The following CFAP45 variants were observed in gnomAD, a reference collection of about 807,000 sequenced individuals.
CFAP45 encodes cilia- and flagella-associated protein 45.
In CFAP45, 43 loss-of-function variants were observed where a neutral mutation model predicts 75.6. The observed-to-expected ratio is 0.57, with a 90% CI of 0.45 to 0.73. The LOEUF is 0.73. Among genes scored for constraint, CFAP45 ranks in the 30% least tolerant of loss-of-function variants. The pLI is 0.00. For synonymous variants in CFAP45, 223 were observed against 244.6 expected (o/e 0.91, Z 0.82); for missense variants, 689 against 701.5 (o/e 0.98, Z 0.20).
At chr1:159,883,288 CTGAA>C (rs145427366) in intron 7 of CFAP45, among the ~76,000 whole-genome samples, 80 of 151,174 alleles carry the variant, frequency 5.3e-4, no homozygotes, top group African/African-American at 1.2e-3. Context: ...GAATGAAGAA[CTGAA>C]TGAATGAATG....
intron 7 of CFAP45, among the ~76,000 whole-genome samples, chr1:159,883,626 ATAT>A (rs1557913189): frequency 3.5e-3 from 459 of 130,898 alleles, no homozygotes; most frequent in African/African-American, 0.011. Flanking sequence ...ACAATAAAAT[ATAT>A]ATATATATAT....
chr1:159,878,267 G>C (rs2101842163), intron 8 of CFAP45, among the ~76,000 whole-genome samples: 1 of 152,330 alleles, frequency 6.6e-6, no homozygotes, highest in South Asian at 2.1e-4. Flanking sequence ...CCTGGGCAAA[G>C]AGCCAACCAT....
intron 1 of CFAP45, chr1:159,898,332 A>G (rs1011216132): frequency 6.9e-5 from 37 of 539,032 alleles, no homozygotes; most frequent in Non-Finnish European, 8.5e-5. Flanking sequence ...CTCCTTCTGC[A>G]GGATTTTAAT....
At chr1:159,880,183 T>C (rs1365659035) in intron 8 of CFAP45, among the ~76,000 whole-genome samples, 3 of 152,186 alleles carry the variant, frequency 2.0e-5, no homozygotes, top group East Asian at 3.8e-4. Flanking sequence ...ACAAGAAATT[T>C]ATGTAACCGC....
Position 159,880,591 on chromosome 1 carries a change from G to A in CFAP45, c.1007C>T (p.Ala336Val). 1 of 1,613,616 alleles carries A rather than the reference G, an allele frequency of 6.2e-7. No homozygotes were observed. The highest frequency in any genetic ancestry group is 8.5e-7 in the Non-Finnish European group (1 of 1,179,746). The change falls in exon 8 of 12, where the codon GCA becomes GTA. Residue 336 changes from alanine (A) to valine (V), a missense_variant. Ala to Val is a moderately conservative substitution (Grantham distance 64, BLOSUM62 0). Coordinates refer to ENST00000368099, the MANE Select transcript of CFAP45 (RefSeq NM_012337.3). Reference protein sequence around the residue: ...KAELLAQEKLADQMVMEFTKK... With the variant: ...KAELLAQEKLVDQMVMEFTKK... ...GGTAAACTCCATCACCATCTGGTCT[G>A]CCAGCTTCTCCTGAGCCAGCAGTTC...
rs756966978 is a variant in CFAP45 at position 159,893,185 on chromosome 1, T to C, written c.124A>G (p.Ile42Val). ...AAGGACTTGTTGAGGATTACCTTGATATCTCCAAAGAGGCTCTCATCCACC... is the reference window on the plus strand; with the variant it reads ...AAGGACTTGTTGAGGATTACCTTGACATCTCCAAAGAGGCTCTCATCCACC... Reference protein sequence around the residue: ...SEVDESLFGDIKSPAQGQSDS... With the variant: ...SEVDESLFGDVKSPAQGQSDS... The change falls in exon 2 of 12, where the codon ATC (isoleucine) becomes GTC (valine). Residue 42 changes from isoleucine to valine, a missense_variant. Coordinates refer to ENST00000368099, the MANE Select transcript of CFAP45 (RefSeq NM_012337.3). 1 of 1,613,886 alleles carries C rather than the reference T, an allele frequency of 6.2e-7. No individual in the cohort carries two copies. Among genetic ancestry groups the C allele is most frequent in the Non-Finnish European group, 8.5e-7 (1 of 1,179,816 alleles).
intron 8 of CFAP45, among the ~76,000 whole-genome samples, chr1:159,878,985 G>A (rs905911856): frequency 1.3e-5 from 2 of 152,014 alleles, no homozygotes; most frequent in Non-Finnish European, 2.9e-5. Context: ...AGATACCACC[G>A]TGAGGTCGGT....
chr1:159,891,662 A>T (rs1352629955), intron 2 of CFAP45, among the ~76,000 whole-genome samples: 2 of 152,130 alleles, frequency 1.3e-5, no homozygotes, highest in Non-Finnish European at 2.9e-5. Flanking sequence ...AGGCAGGGGG[A>T]TGGCCCCACT....
At chr1:159,876,393 A>G (rs180705990) in intron 10 of CFAP45, 163 bp downstream of exon 10, 19 of 620,852 alleles carry the variant, frequency 3.1e-5, no homozygotes, top group Middle Eastern at 3.4e-4. Context: ...GGCTCAAGTG[A>G]TTTTTAAAAG....
rs758907211 is a variant in CFAP45, at chr1:159,877,468, G to A, written c.1045-6C>T. ...TCAAACTCTGCTTCTCGAGCCTGCC[G>A]GAAGGAAAGGCCTTGTAGAATAGTT... On this transcript the variant is annotated splice_polypyrimidine_tract_variant and splice_region_variant and intron_variant, in intron 8 of 11. Coordinates refer to ENST00000368099, the MANE Select transcript of CFAP45 (RefSeq NM_012337.3). 2.1e-5 allele frequency: 34 copies of A among 1,599,110 alleles called. No individual in the cohort carries two copies. The highest frequency in any genetic ancestry group is 2.4e-5 in the Non-Finnish European group (28 of 1,166,270).
Position 159,877,480 on chromosome 1 carries a change from C to T in CFAP45, c.1045-18G>A. The T allele has an allele frequency of 6.4e-7, 1 of 1,570,444 alleles. No homozygotes were observed. The highest frequency in any genetic ancestry group is 8.8e-7 in the Non-Finnish European group (1 of 1,140,036). ...TCTCGAGCCTGCCGGAAGGAAAGGC[C>T]TTGTAGAATAGTTGCCATTGCCCCA... On this transcript the variant is annotated intron_variant, in intron 8 of 11. Transcript: ENST00000368099.
At chr1:159,893,083 G>A (rs968743639) in intron 2 of CFAP45, 97 bp downstream of exon 2, 12 of 1,388,152 alleles carry the variant, frequency 8.6e-6, no homozygotes, top group Admixed American at 1.8e-5. Flanking sequence ...AGTTACCTAC[G>A]AGAGCAAGGT....
intron 10 of CFAP45, among the ~76,000 whole-genome samples, chr1:159,874,377 T>C (rs1343158512): frequency 6.6e-6 from 1 of 152,162 alleles, no homozygotes; most frequent in East Asian, 1.9e-4. Flanking sequence ...CCAGAAACTC[T>C]TTCCATCATG....
intron 1 of CFAP45, among the ~76,000 whole-genome samples, chr1:159,898,467 A>G (rs1386149096): frequency 1.3e-5 from 2 of 152,190 alleles, no homozygotes; most frequent in Admixed American, 1.3e-4. Context: ...ACGAACACAC[A>G]CAGCTGGCCT....
chr1:159,876,302 C>T (rs906611071), intron 10 of CFAP45: 4 of 557,376 alleles, frequency 7.2e-6, no homozygotes, highest in African/African-American at 5.7e-5. Context: ...TTTACTGTTC[C>T]AGGGTAAATA....
rs761340494 is a variant in CFAP45 at position 159,893,320 on chromosome 1, A to G, written c.4-15T>C. 53 of 1,611,842 alleles carry G rather than the reference A, an allele frequency of 3.3e-5. No individual in the cohort carries two copies. On this transcript the variant is annotated splice_polypyrimidine_tract_variant and intron_variant, in intron 1 of 11. Coordinates refer to ENST00000368099, the MANE Select transcript of CFAP45 (RefSeq NM_012337.3). ...GTGCTTAGTGGCTGCAGGAAGAGGCAGAAAGTTTGGGTCATCAGTACTGAG... is the reference window on the plus strand; with the variant it reads ...GTGCTTAGTGGCTGCAGGAAGAGGCGGAAAGTTTGGGTCATCAGTACTGAG...
At chr1:159,887,062 C>T (rs1174774591) in intron 5 of CFAP45, among the ~76,000 whole-genome samples, 1 of 152,140 alleles carries the variant, frequency 6.6e-6, no homozygotes, top group East Asian at 1.9e-4. Context: ...CTTCAGAGGT[C>T]CATTGTTCCA....
chr1:159,882,441 C>T (rs1012245025), intron 7 of CFAP45, among the ~76,000 whole-genome samples: 21 of 152,086 alleles, frequency 1.4e-4, no homozygotes, highest in Non-Finnish European at 8.8e-5. Context: ...TTTTTGTTGG[C>T]TCATTTCAAT....
intron 8 of CFAP45, among the ~76,000 whole-genome samples, chr1:159,878,764 A>AAAAAAAAAAAAAAAAAAC (rs1649473550): frequency 7.4e-6 from 1 of 135,084 alleles, no homozygotes; most frequent in Non-Finnish European, 1.6e-5. Flanking sequence ...AAAAAAAAAA[A>AAAAAAAAAAAAAAAAAAC]AAAAAAAAAA....
Sources: gnomAD v4.1 joint callset for allele counts (sites outside exome capture counted in the v4.1 genomes callset) on GRCh38, gnomAD v4.1.1 for gene constraint, MANE v1.5 for transcripts, NCBI Gene and HGNC (gene_info 2026-07-23, HGNC 2026-07-21) for gene names.